The following MAPK8 variants were observed in gnomAD, a reference collection of about 807,000 sequenced individuals.
MAPK8 encodes the protein mitogen-activated protein kinase 8.
MAPK8 carries 13 observed loss-of-function variants against 52.9 expected under a neutral mutation model. That is an observed-to-expected ratio of 0.25 (90% CI 0.16 to 0.39). MAPK8 has a LOEUF of 0.39. Among genes scored for constraint, MAPK8 ranks in the 10% least tolerant of loss-of-function variants. The probability of loss-of-function intolerance (pLI) is 1.00; values close to 1 mark genes in which losing one functional copy is unlikely to be tolerated. For synonymous variants in MAPK8, 191 were observed against 169.8 expected, an observed-to-expected ratio of 1.12 and a Z score of -0.97; for missense variants, 300 against 519.2, an observed-to-expected ratio of 0.58 and a Z score of 4.10.
intron 1 of MAPK8, among the ~76,000 whole-genome samples, chr10:48,394,403 C>T (rs1236649496): frequency 6.6e-6 from 1 of 151,710 alleles, no homozygotes; most frequent in Non-Finnish European, 1.5e-5. Context: ...TATGACCAAG[C>T]GGGATTTATT....
chr10:48,410,164 A>G lies in MAPK8; in HGVS notation c.446A>G (p.His149Arg). 6.5e-7 allele frequency: 1 copy of G among 1,527,864 alleles called. No homozygotes were observed. The highest frequency in any genetic ancestry group is 8.8e-7 in the Non-Finnish European group (1 of 1,140,854). 94.6% of individuals were successfully genotyped at this position (1,527,864 alleles called of 1,614,324 possible). A position where few individuals can be genotyped will look rare whatever the true frequency, so the allele number is the denominator to read the frequency against. ...CACCTTCATTCTGCTGGAATTATTC[A>G]TCGGGTTAGTAGAAGAAACTATCGT... The part of the protein sequence containing the change: ...IKHLHSAGII[H>R]RDLKPSNIVV... The change falls in exon 5 of 12, where the codon CAT becomes CGT. Residue 149 changes from histidine (H) to arginine (R), a missense_variant. His to Arg is a conservative substitution (Grantham distance 29, BLOSUM62 0). Around this residue, in one of 3 missense-constraint regions of MAPK8, gnomAD observed 147 missense variants for 328.1 expected, o/e 0.45. Transcript: ENST00000374189.
At chr10:48,349,810 C>A (rs1846132302) in intron 1 of MAPK8, among the ~76,000 whole-genome samples, 2 of 151,964 alleles carry the variant, frequency 1.3e-5, no homozygotes, top group Non-Finnish European at 2.9e-5. Context: ...GAAAACCCCT[C>A]AAAAAATCAG....
At chr10:48,406,298 G>C (rs1223031515) in intron 3 of MAPK8, among the ~76,000 whole-genome samples, 1 of 152,190 alleles carries the variant, frequency 6.6e-6, no homozygotes, top group African/African-American at 2.4e-5. Flanking sequence ...TTTTGCTGGT[G>C]GCATCCTGTC....
intron 5 of MAPK8, among the ~76,000 whole-genome samples, chr10:48,410,554 G>A (rs1215662500): frequency 6.6e-6 from 1 of 152,064 alleles, no homozygotes. Flanking sequence ...ATGGACATTT[G>A]GGTTATTTCT....
At chr10:48,389,383 G>A (rs2041499974) in intron 1 of MAPK8, among the ~76,000 whole-genome samples, 1 of 152,088 alleles carries the variant, frequency 6.6e-6, no homozygotes, top group Non-Finnish European at 1.5e-5. Context: ...TCACCTTAAA[G>A]GTTATTATCT....
At chr10:48,330,173 A>G (rs1055934986) in intron 1 of MAPK8, among the ~76,000 whole-genome samples, 17 of 152,196 alleles carry the variant, frequency 1.1e-4, no homozygotes, top group Non-Finnish European at 1.9e-4. Flanking sequence ...AAGTCTAGGA[A>G]ATAGATTTTG....
intron 1 of MAPK8, among the ~76,000 whole-genome samples, chr10:48,371,650 G>T (rs537137236): frequency 3.9e-5 from 6 of 152,038 alleles, no homozygotes; most frequent in Non-Finnish European, 7.4e-5. Context: ...CACCAACTGG[G>T]TGTCTTCTGA....
intron 5 of MAPK8, among the ~76,000 whole-genome samples, chr10:48,411,915 G>A (rs1364157289): frequency 3.0e-5 from 4 of 131,566 alleles, no homozygotes; most frequent in African/African-American, 1.1e-4. Flanking sequence ...TCCATTCTCA[G>A]CTCACTGCAA....
chr10:48,404,882 T>C lies in MAPK8; in HGVS notation c.153T>C (p.Asn51=), dbSNP rs1470115462. ...CAAYDAILER[N]VAIKKLSRPF... ...CTTATGATGCCATTCTTGAAAGAAA[T>C]GTTGCAATCAAGAAGCTAAGCCGAC... Residue 51 remains asparagine, a synonymous_variant, in exon 3 of 12, where the codon AAT becomes AAC. Coordinates refer to ENST00000374189, the MANE Select transcript of MAPK8 (RefSeq NM_001323329.2). 3.7e-6 allele frequency: 6 copies of C among 1,609,232 alleles called. No individual in the cohort carries two copies. The highest frequency in any genetic ancestry group is 4.2e-6 in the Non-Finnish European group (5 of 1,177,158).
chr10:48,356,841 C>CAAAAAAAAAAAAAAAAAAAA (rs869186711), intron 1 of MAPK8, among the ~76,000 whole-genome samples: 5 of 30,278 alleles, frequency 1.7e-4, no homozygotes, highest in Non-Finnish European at 3.3e-4. Flanking sequence ...GACTCCGTCT[C>CAAAAAAAAAAAAAAAAAAAA]AAAAAAAAAA....
intron 7 of MAPK8, 57 bp from the exon 8 acceptor site, chr10:48,425,831 A>ACAAGAATACATTCTTG: frequency 4.9e-6 from 4 of 818,978 alleles, no homozygotes; most frequent in South Asian, 2.2e-5. Context: ...TAATATGAAT[A>ACAAGAATACATTCTTG]TGACTAATGT....
chr10:48,347,856 A>C (rs1192335131), intron 1 of MAPK8, among the ~76,000 whole-genome samples: 1 of 152,214 alleles, frequency 6.6e-6, no homozygotes, highest in African/African-American at 2.4e-5. Context: ...TGCAGTAAAC[A>C]TACATGTGCA....
intron 1 of MAPK8, among the ~76,000 whole-genome samples, chr10:48,345,510 C>A (rs1371926991): frequency 6.6e-6 from 1 of 152,196 alleles, no homozygotes; most frequent in Non-Finnish European, 1.5e-5. Flanking sequence ...CACACACACA[C>A]CTTTGCCTAT....
chr10:48,369,768 A>G (rs1427108745), intron 1 of MAPK8, among the ~76,000 whole-genome samples: 2 of 152,014 alleles, frequency 1.3e-5, no homozygotes, highest in Admixed American at 6.6e-5. Context: ...GTTTTTAGAA[A>G]CCCAAGAAAA....
At chr10:48,326,533 A>T (rs560747660) in intron 1 of MAPK8, among the ~76,000 whole-genome samples, 1 of 152,326 alleles carries the variant, frequency 6.6e-6, no homozygotes, top group South Asian at 2.1e-4. Flanking sequence ...ACAAAGATCT[A>T]GGTGCCCTTG....
chr10:48,363,398 T>G (rs1379496520), intron 1 of MAPK8, among the ~76,000 whole-genome samples: 1 of 152,218 alleles, frequency 6.6e-6, no homozygotes. Flanking sequence ...CTTTCTTATT[T>G]TCTGTAATGT....
chr10:48,398,363 C>T (rs2041993967), intron 1 of MAPK8, among the ~76,000 whole-genome samples: 1 of 152,024 alleles, frequency 6.6e-6, no homozygotes, highest in Non-Finnish European at 1.5e-5. Flanking sequence ...TGAAAAGGTG[C>T]TCACCTTCAT....
chr10:48,319,791 G>A (rs117744667), intron 1 of MAPK8, among the ~76,000 whole-genome samples: 4 of 151,338 alleles, frequency 2.6e-5, no homozygotes, highest in South Asian at 2.1e-4. Context: ...TGCACCCAGC[G>A]CATTCTGGAT....
chr10:48,337,666 T>G (rs1238806571), intron 1 of MAPK8, among the ~76,000 whole-genome samples: 3 of 152,152 alleles, frequency 2.0e-5, no homozygotes, highest in African/African-American at 7.2e-5. Context: ...CGGAAAGTTC[T>G]GTTTGTCCTT....
Sources: allele counts gnomAD v4.1 joint callset (sites outside exome capture counted in the v4.1 genomes callset), GRCh38; gene constraint gnomAD v4.1.1; regional missense constraint gnomAD v4.1.1; transcripts MANE v1.5; gene names NCBI Gene and HGNC (gene_info 2026-07-23, HGNC 2026-07-21).